Variants in GREB1L observed in about 807,000 individuals in gnomAD.
GREB1L encodes GREB1 like retinoic acid receptor coactivator, also known as GREB1-like protein.
A neutral mutation model predicts 200.8 loss-of-function variants in GREB1L; 17 were observed. The ratio of observed to expected loss-of-function variants is 0.08; its 90% CI spans 0.06 to 0.13. The LOEUF (loss-of-function observed/expected upper bound fraction) is 0.13, where lower values mean the gene tolerates loss of function less well. Ranked by LOEUF, GREB1L falls within the 10% of genes least tolerant of loss-of-function variation. GREB1L has a pLI of 1.00. For synonymous variants in GREB1L, 789 were observed against 893.0 expected (o/e 0.88, Z 2.08); for missense variants, 1,657 against 2,367.7 (o/e 0.70, Z 6.23).
intron 1 of GREB1L, among the ~76,000 whole-genome samples, chr18:21,252,729 G>C (rs1032870743): frequency 6.7e-6 from 1 of 148,484 alleles, no homozygotes; most frequent in African/African-American, 2.5e-5. Context: ...TTAGCTGGGC[G>C]TCATGGCGGG....
At chr18:21,435,413 G>C (rs4800705) in intron 7 of GREB1L, among the ~76,000 whole-genome samples, 31,427 of 152,112 alleles carry the variant, frequency 0.21, 3,887 homozygotes, top group East Asian at 0.43. Context: ...GTGATCTAGT[G>C]GGGGAGACAG....
intron 2 of GREB1L, chr18:21,380,700 C>A (rs748414215): frequency 2.0e-5 from 3 of 152,130 alleles, no homozygotes; most frequent in Non-Finnish European, 2.9e-5. Context: ...GAGGTCATAC[C>A]TTTTTCAGAA....
chr18:21,407,648 A>G (rs1440777623), intron 7 of GREB1L, among the ~76,000 whole-genome samples: 2 of 152,076 alleles, frequency 1.3e-5, no homozygotes, highest in African/African-American at 4.8e-5. Flanking sequence ...TCATAAGTCA[A>G]TTAACTCTAA....
intron 2 of GREB1L, among the ~76,000 whole-genome samples, chr18:21,370,155 C>G (rs1324090223): frequency 6.6e-6 from 1 of 152,006 alleles, no homozygotes; most frequent in African/African-American, 2.4e-5. Context: ...ATGGAATGTG[C>G]TTGGGAAGAG....
In GREB1L at chr18:21,244,953, C is replaced by G. The variant is rs145340534; in HGVS notation, c.-120+2560C>G. ...GAGACTTGACATAATTTAATTTATA[C>G]TTCTCTGAAGTGTTTAGATTATGAA... On this transcript the variant is annotated intron_variant, in intron 1 of 32. Coordinates refer to ENST00000424526, the MANE Select transcript of GREB1L (RefSeq NM_001142966.3). Among the ~76,000 whole-genome samples the G allele has an allele frequency of 9.8e-5, 15 of 152,292 alleles. No individual in the cohort carries two copies. In the East Asian group the frequency reaches 2.3e-3, roughly 24 times the overall value.
rs527427975 is a variant in GREB1L, at chr18:21,310,964, T to A, written c.-119-55063T>A. Among the ~76,000 whole-genome samples, 6 of 152,312 alleles carry A rather than the reference T, an allele frequency of 3.9e-5. No homozygotes were observed. In the East Asian group the frequency reaches 1.2e-3, roughly 29 times the overall value. ...ATGAAGTCTTTGAATGTAAGGCCTT[T>A]GGGTTTGGTGAGTAGAGGGCCTATA... On this transcript the variant is annotated intron_variant, in intron 1 of 32. Transcript: ENST00000424526.
intron 25 of GREB1L, among the ~76,000 whole-genome samples, chr18:21,506,508 A>T (rs978761512): frequency 1.3e-5 from 2 of 152,206 alleles, no homozygotes; most frequent in African/African-American, 4.8e-5. Context: ...TACTTCTTCA[A>T]ATGGTTACAC....
At chr18:21,302,470 GA>G (rs930699834) in intron 1 of GREB1L, among the ~76,000 whole-genome samples, 3 of 151,758 alleles carry the variant, frequency 2.0e-5, no homozygotes, top group Non-Finnish European at 4.4e-5. Flanking sequence ...TTGTAAGGTG[GA>G]AAAAAAATAG....
At chr18:21,437,729 A>G (rs548387912) in intron 7 of GREB1L, among the ~76,000 whole-genome samples, 2 of 152,240 alleles carry the variant, frequency 1.3e-5, no homozygotes, top group Non-Finnish European at 2.9e-5. Flanking sequence ...TGTAAGAAAG[A>G]AAAGGAAGGA....
At chr18:21,397,200 A>T (rs1296100423) in intron 5 of GREB1L, among the ~76,000 whole-genome samples, 1 of 152,068 alleles carries the variant, frequency 6.6e-6, no homozygotes, top group Non-Finnish European at 1.5e-5. Context: ...TCTCATAAAA[A>T]AAGAACATTT....
chr18:21,422,830 TTACTC>T (rs2032261596), intron 7 of GREB1L, among the ~76,000 whole-genome samples: 1 of 152,224 alleles, frequency 6.6e-6, no homozygotes, highest in African/African-American at 2.4e-5. Flanking sequence ...TGCTGTCAAA[TTACTC>T]TCCTAACAGG....
At chr18:21,404,340 G>T (rs941240257) in intron 7 of GREB1L, among the ~76,000 whole-genome samples, 3 of 152,198 alleles carry the variant, frequency 2.0e-5, no homozygotes, top group Admixed American at 1.3e-4. Context: ...TAAGACTGGA[G>T]TTCCAGGGTA....
intron 17 of GREB1L, among the ~76,000 whole-genome samples, 174 bp downstream of exon 17, chr18:21,477,530 T>G (rs1327743362): frequency 6.6e-6 from 1 of 152,234 alleles, no homozygotes; most frequent in East Asian, 1.9e-4. Flanking sequence ...CTCACACCTA[T>G]AATTCCAGCA....
chr18:21,311,473 T>C (rs372965160), intron 1 of GREB1L, among the ~76,000 whole-genome samples: 1 of 152,200 alleles, frequency 6.6e-6, no homozygotes, highest in East Asian at 1.9e-4. Flanking sequence ...GTGTTCCTCT[T>C]TGCAAATGAA....
intron 15 of GREB1L, among the ~76,000 whole-genome samples, chr18:21,466,554 G>A (rs72882840): frequency 2.6e-5 from 4 of 152,056 alleles, no homozygotes; most frequent in Non-Finnish European, 4.4e-5. Context: ...GACAAAAGAA[G>A]TGCAAAGCTT....
chr18:21,523,114 G>A lies in GREB1L; in HGVS notation c.*293G>A, dbSNP rs1458541523. 1 of 230,022 alleles carries A rather than the reference G, an allele frequency of 4.3e-6. No homozygotes were observed. The highest frequency in any genetic ancestry group is 5.6e-5 in the Admixed American group (1 of 17,706). 14.2% of individuals were successfully genotyped at this position (230,022 alleles called of 1,614,324 possible). A position where few individuals can be genotyped will look rare whatever the true frequency, so the allele number is the denominator to read the frequency against. ...CTGAGGAGGATATACTTTGGAGAGT[G>A]AATATGGAGTTTGCATTATTTTTTT... On this transcript the variant is annotated 3_prime_UTR_variant, in exon 33 of 33. Transcript: ENST00000424526.
Position 21,383,604 on chromosome 18 carries a change from G to C in GREB1L, c.86G>C (p.Ser29Thr). Residue 29 changes from serine (S) to threonine (T), a missense_variant, in exon 3 of 33, where the codon AGT becomes ACT. Physicochemically the swap from Ser to Thr is moderately conservative, Grantham distance 58. Transcript: ENST00000424526. ...TCCATAGAAGCCTCCCTCAGATGTA[G>C]TAGTGTGGTACCACGGCCAATTTTT... is the stretch of plus-strand genomic sequence containing the variant. Reference protein sequence around the residue: ...HNSIEASLRCSSVVPRPIFSQ... With the variant: ...HNSIEASLRCTSVVPRPIFSQ... The C allele has an allele frequency of 6.4e-7, 1 of 1,551,214 alleles. No individual in the cohort carries two copies. The highest frequency in any genetic ancestry group is 1.2e-5 in the South Asian group (1 of 83,924).
intron 4 of GREB1L, among the ~76,000 whole-genome samples, chr18:21,391,549 C>T (rs2040807044): frequency 6.6e-6 from 1 of 152,210 alleles, no homozygotes; most frequent in East Asian, 1.9e-4. Context: ...GTTAAGAGAC[C>T]TGGGTTCTGG....
intron 7 of GREB1L, among the ~76,000 whole-genome samples, chr18:21,435,995 C>T (rs1487745901): frequency 3.3e-5 from 5 of 151,916 alleles, no homozygotes; most frequent in Non-Finnish European, 5.9e-5. Flanking sequence ...GAGAACTACT[C>T]GGGAAGTGAA....
Sources: allele counts gnomAD v4.1 joint callset (sites outside exome capture counted in the v4.1 genomes callset), GRCh38; gene constraint gnomAD v4.1.1; transcripts MANE v1.5; gene names NCBI Gene and HGNC (gene_info 2026-07-23, HGNC 2026-07-21).